Variants in IGF1R observed in about 807,000 individuals in gnomAD.
The protein encoded by IGF1R is insulin-like growth factor 1 receptor.
Under a neutral mutation model 144.6 loss-of-function variants are expected in IGF1R, and 44 were observed. That is an observed-to-expected ratio of 0.30 (90% CI 0.24 to 0.39). IGF1R has a LOEUF of 0.39. IGF1R is among the 10% of genes least tolerant of loss of function. The pLI is 1.00. For missense variants in IGF1R, 1,355 were observed against 1,833.7 expected, an observed-to-expected ratio of 0.74 and a Z score of 4.77; for synonymous variants, 795 against 722.8, an observed-to-expected ratio of 1.10 and a Z score of -1.60.
intron 2 of IGF1R, among the ~76,000 whole-genome samples, chr15:98,786,539 A>T (rs1323792270): frequency 6.6e-6 from 1 of 152,152 alleles, no homozygotes; most frequent in African/African-American, 2.4e-5. Context: ...CTATTTGAAG[A>T]CGTGGATGAA....
chr15:98,775,732 C>A lies in IGF1R; in HGVS notation c.640+67625C>A, dbSNP rs62022087. ...TACAGTGGGTCTCCCAGGTCAGAAT[C>A]CCCTGGGTTGCTTGTTAAAGCTCAC... On this transcript the variant is annotated intron_variant, in intron 2 of 20. Transcript: ENST00000650285. 2.0e-5 allele frequency among the ~76,000 whole-genome samples: 3 copies of A among 152,222 alleles called. 1 individual carries two copies. The highest frequency in any genetic ancestry group is 7.2e-5 in the African/African-American group (3 of 41,550).
chr15:98,827,146 G>T (rs537578145), intron 2 of IGF1R, among the ~76,000 whole-genome samples: 4 of 151,970 alleles, frequency 2.6e-5, no homozygotes, highest in Non-Finnish European at 4.4e-5. Flanking sequence ...CCCCAACTCC[G>T]AATCAGAGAA....
Position 98,960,448 on chromosome 15 carries a change from C to T in IGF1R, c.*3006C>T. On this transcript the variant is annotated 3_prime_UTR_variant, in exon 21 of 21. Transcript: ENST00000650285. The stretch of plus-strand genomic sequence containing the variant: ...TGGTTGTCTTTGGAACAAACTGCTT[C>T]TGTGCAGATGGAATGACCAACACAT... The T allele has an allele frequency of 4.4e-6, 1 of 229,850 alleles. No homozygotes were observed. Among genetic ancestry groups the T allele is most frequent in the Non-Finnish European group, 8.6e-6 (1 of 116,300 alleles). 14.2% of individuals were successfully genotyped at this position (229,850 alleles called of 1,614,324 possible).
chr15:98,714,276 C>G (rs1157166580), intron 2 of IGF1R, among the ~76,000 whole-genome samples: 1 of 152,158 alleles, frequency 6.6e-6, no homozygotes, highest in East Asian at 1.9e-4. Context: ...TAGAGGCGCT[C>G]TCCTTCCCTC....
chr15:98,700,021 G>A (rs1335241880), intron 1 of IGF1R, among the ~76,000 whole-genome samples: 1 of 152,168 alleles, frequency 6.6e-6, no homozygotes, highest in Non-Finnish European at 1.5e-5. Flanking sequence ...AAGATAAAGG[G>A]CTTAACATGA....
Position 98,749,408 on chromosome 15 carries a change from T to G in IGF1R, c.640+41301T>G, listed in dbSNP as rs1454309643. ...TTTAATCAAGTTTAAACAACATGGCTCTTAGAAGTATGTTTACCAGGTAAT... is the reference window on the plus strand; with the variant it reads ...TTTAATCAAGTTTAAACAACATGGCGCTTAGAAGTATGTTTACCAGGTAAT... On this transcript the variant is annotated intron_variant, in intron 2 of 20. Transcript: ENST00000650285. Among the ~76,000 whole-genome samples, 5 of 152,142 alleles carry G rather than the reference T, an allele frequency of 3.3e-5. No homozygotes were observed. In the East Asian group the frequency reaches 9.6e-4, roughly 29 times the overall value.
chr15:98,914,235 C>T (rs79187888), intron 8 of IGF1R, among the ~76,000 whole-genome samples: 1 of 152,322 alleles, frequency 6.6e-6, no homozygotes, highest in Non-Finnish European at 1.5e-5. Flanking sequence ...TAATTCCATC[C>T]CCTTAGGGGT....
At chr15:98,815,616 G>C (rs183048894) in intron 2 of IGF1R, among the ~76,000 whole-genome samples, 19 of 152,286 alleles carry the variant, frequency 1.2e-4, no homozygotes, top group Admixed American at 8.5e-4. Flanking sequence ...AAAGAGACTG[G>C]GCTTACCTCT....
At chr15:98,781,765 C>G (rs1048539491) in intron 2 of IGF1R, among the ~76,000 whole-genome samples, 2 of 152,170 alleles carry the variant, frequency 1.3e-5, no homozygotes, top group African/African-American at 4.8e-5. Context: ...TGTGCTATTA[C>G]TGTGCCGGGG....
At chr15:98,932,705 A>T (rs902855267) in intron 15 of IGF1R, among the ~76,000 whole-genome samples, 5 of 152,186 alleles carry the variant, frequency 3.3e-5, no homozygotes, top group Non-Finnish European at 5.9e-5. Context: ...TGTCTTGCAT[A>T]CTTACTCTCC....
chr15:98,766,532 C>T (rs751099189), intron 2 of IGF1R, among the ~76,000 whole-genome samples: 10 of 152,120 alleles, frequency 6.6e-5, no homozygotes, highest in African/African-American at 2.2e-4. Context: ...TAATATTCTT[C>T]GTATTTTTAA....
At chr15:98,721,105 G>C (rs1030767073) in intron 2 of IGF1R, among the ~76,000 whole-genome samples, 3 of 152,194 alleles carry the variant, frequency 2.0e-5, no homozygotes, top group African/African-American at 7.2e-5. Flanking sequence ...AGCTGGAGCA[G>C]ACGTTACCTA....
At chr15:98,839,488 C>G (rs79259786) in intron 2 of IGF1R, among the ~76,000 whole-genome samples, 1 of 152,114 alleles carries the variant, frequency 6.6e-6, no homozygotes, top group Non-Finnish European at 1.5e-5. Flanking sequence ...GCCTCGGACA[C>G]GAAAATATTA....
chr15:98,935,311 C>T lies in IGF1R; in HGVS notation c.3187-5C>T, dbSNP rs45495500. 6.4e-4 allele frequency: 980 copies of T among 1,538,554 alleles called. 1 individual carries two copies. Among genetic ancestry groups the T allele is most frequent in the South Asian group, 1.5e-3 (129 of 83,768 alleles). ...CTGAGTCTTTCTCTTTTTGATTCCT[C>T]CCAGGTGCGATTGCTGGGTGTGGTG... On this transcript the variant is annotated splice_region_variant and splice_polypyrimidine_tract_variant and intron_variant, in intron 16 of 20. Transcript: ENST00000650285. This position sits in a 1 kb window ranked among gnomAD's most constrained non-coding sequence, Gnocchi z 4.2.
chr15:98,678,293 T>C (rs1212780853), intron 1 of IGF1R, among the ~76,000 whole-genome samples: 1 of 152,240 alleles, frequency 6.6e-6, no homozygotes, highest in African/African-American at 2.4e-5. Context: ...TTTTTTAATC[T>C]CTTATTTTAA....
chr15:98,927,687 G>C (rs746346842), intron 13 of IGF1R, among the ~76,000 whole-genome samples: 6 of 152,274 alleles, frequency 3.9e-5, no homozygotes, highest in African/African-American at 1.4e-4. Context: ...GCTGGAGCCT[G>C]CATCCATTTT....
At chr15:98,885,127 C>A (rs1477564853) in intron 2 of IGF1R, among the ~76,000 whole-genome samples, 1 of 152,190 alleles carries the variant, frequency 6.6e-6, no homozygotes, top group African/African-American at 2.4e-5. Flanking sequence ...CCTAAGCTAC[C>A]CTTTGCTTGC....
chr15:98,920,906 C>G (rs4966043), intron 10 of IGF1R, among the ~76,000 whole-genome samples: 49,010 of 152,028 alleles, frequency 0.32, 8,757 homozygotes, highest in East Asian at 0.6. Flanking sequence ...CAGGTTCTGA[C>G]CTAAGGACCA....
chr15:98,729,077 T>C (rs1214879286), intron 2 of IGF1R, among the ~76,000 whole-genome samples: 1 of 152,246 alleles, frequency 6.6e-6, no homozygotes, highest in African/African-American at 2.4e-5. Flanking sequence ...TAAATTCCCA[T>C]AGGACTCACT....
Sources: allele counts gnomAD v4.1 joint callset (sites outside exome capture counted in the v4.1 genomes callset), GRCh38; gene constraint gnomAD v4.1.1; non-coding constraint Gnocchi (gnomAD v3.1); transcripts MANE v1.5; gene names NCBI Gene and HGNC (gene_info 2026-07-23, HGNC 2026-07-21).